Variants in RAP1GAP2 observed in about 807,000 individuals in gnomAD.
RAP1GAP2 encodes the protein rap1 GTPase-activating protein 2.
Under a neutral mutation model 95.0 loss-of-function variants are expected in RAP1GAP2, and 27 were observed. That is an observed-to-expected ratio of 0.28 (90% confidence interval 0.21 to 0.39). RAP1GAP2 has a LOEUF of 0.39. RAP1GAP2 is among the 10% of genes least tolerant of loss of function. The probability of loss-of-function intolerance (pLI) is 1.00; values close to 1 mark genes in which losing one functional copy is unlikely to be tolerated. For synonymous variants in RAP1GAP2, 373 were observed against 380.9 expected (o/e 0.98, Z 0.24); for missense variants, 771 against 970.0 (o/e 0.79, Z 2.72).
intron 3 of RAP1GAP2, among the ~76,000 whole-genome samples, chr17:2,939,012 T>A (rs757056729): frequency 1.3e-5 from 2 of 152,098 alleles, no homozygotes; most frequent in African/African-American, 2.4e-5. Flanking sequence ...ACAAAAAAAA[T>A]GCTTCAGGCT....
chr17:2,792,580 C>T (rs535019776), upstream of RAP1GAP2, among the ~76,000 whole-genome samples: 38 of 152,342 alleles, frequency 2.5e-4, no homozygotes, highest in Admixed American at 2.5e-3. Context: ...AGCCCTCAGT[C>T]TGGGGACGTG....
At chr17:2,810,392 G>C (rs893706735) in intron 2 of RAP1GAP2, among the ~76,000 whole-genome samples, 15 of 151,596 alleles carry the variant, frequency 9.9e-5, no homozygotes, top group African/African-American at 3.6e-4. Flanking sequence ...TTAAGTTCTA[G>C]GGTACATGTG....
intron 3 of RAP1GAP2, among the ~76,000 whole-genome samples, chr17:2,912,035 G>T (rs756002973): frequency 6.6e-6 from 1 of 152,196 alleles, no homozygotes; most frequent in East Asian, 1.9e-4. Context: ...GATAATGTGC[G>T]CTTGGAGTTC....
intron 3 of RAP1GAP2, among the ~76,000 whole-genome samples, chr17:2,940,759 G>A (rs1036530770): frequency 2.0e-5 from 3 of 152,212 alleles, no homozygotes; most frequent in Admixed American, 6.5e-5. Flanking sequence ...TTGGCCAGGT[G>A]GGGACTGTGA....
At position 2,800,306 on chromosome 17, in the gene RAP1GAP2, G is replaced by T. The variant is rs560399834; in HGVS notation, c.45-209G>T. 3 of 869,180 alleles carry T rather than the reference G, an allele frequency of 3.5e-6. No homozygotes were observed. In the Admixed American group the frequency reaches 1.9e-4, roughly 54 times the overall value. The allele number at this position is 869,180 out of a possible 1,614,324, so 53.8% of individuals were successfully genotyped here. ...TCTGAAATGGGGAGAATAATAATAC[G>T]CATGTTGTAGGGTGGTGTGTGGCCC... is the stretch of plus-strand genomic sequence containing the variant. On this transcript the variant is annotated intron_variant, in intron 1 of 24. Coordinates refer to ENST00000254695, the MANE Select transcript of RAP1GAP2 (RefSeq NM_015085.5).
At chr17:2,758,514 C>T (rs769330193) in intron 1 of RAP1GAP2, among the ~76,000 whole-genome samples, 2 of 152,052 alleles carry the variant, frequency 1.3e-5, no homozygotes, top group East Asian at 1.9e-4. Flanking sequence ...TTGGGGTCAC[C>T]CCTCACCCCA....
intron 1 of RAP1GAP2, among the ~76,000 whole-genome samples, chr17:2,781,784 TTCTGTGTGTGCACG>T (rs1482335678): frequency 7.5e-5 from 9 of 119,538 alleles, no homozygotes; most frequent in South Asian, 2.9e-4. Context: ...GTGTGCACGT[TTCTGTGTGTGCACG>T]TCTGTGTGTG....
At chr17:2,921,657 C>T (rs2042777251) in intron 3 of RAP1GAP2, among the ~76,000 whole-genome samples, 1 of 150,846 alleles carries the variant, frequency 6.6e-6, no homozygotes, top group African/African-American at 2.4e-5. Context: ...TATGTGTCCT[C>T]AGGGCCGTTA....
chr17:2,770,838 C>A (rs2068376440), intron 2 of RAP1GAP2, among the ~76,000 whole-genome samples: 1 of 152,006 alleles, frequency 6.6e-6, no homozygotes, highest in Non-Finnish European at 1.5e-5. Context: ...GTCAGGAGTT[C>A]AAGAGCAGCC....
intron 3 of RAP1GAP2, among the ~76,000 whole-genome samples, chr17:2,952,931 A>G (rs1031392951): frequency 4.0e-5 from 6 of 151,508 alleles, no homozygotes; most frequent in Admixed American, 2.0e-4. Flanking sequence ...CAGCCTTCCG[A>G]GTAGCTGGGA....
chr17:2,918,786 T>C (rs2042657410), intron 3 of RAP1GAP2, among the ~76,000 whole-genome samples: 1 of 152,052 alleles, frequency 6.6e-6, no homozygotes, highest in Non-Finnish European at 1.5e-5. Flanking sequence ...CCACGTGAGA[T>C]TTGAGTGGGG....
At chr17:2,999,699 C>T (rs1383589891) in intron 14 of RAP1GAP2, among the ~76,000 whole-genome samples, 42 of 151,808 alleles carry the variant, frequency 2.8e-4, no homozygotes, top group Non-Finnish European at 4.4e-5. Flanking sequence ...GTAATTCTAG[C>T]GCTTTGGGAG....
At chr17:2,823,817 C>T (rs535880090) in intron 2 of RAP1GAP2, among the ~76,000 whole-genome samples, 7 of 152,228 alleles carry the variant, frequency 4.6e-5, no homozygotes, top group African/African-American at 1.4e-4. Flanking sequence ...GGAAGCAACA[C>T]GACTGAACAA....
intron 2 of RAP1GAP2, among the ~76,000 whole-genome samples, chr17:2,818,821 C>T (rs765717881): frequency 5.8e-4 from 88 of 152,264 alleles, no homozygotes; most frequent in Middle Eastern, 6.8e-3. Context: ...CAGGTTCCTT[C>T]ATCTCTCCAT....
rs1259094728 is a variant in RAP1GAP2, at chr17:3,033,662, A to C, written c.*301A>C. ...GTCCGGGTCCTTTATCATCCTATTC[A>C]TCCTGGAGAGGAAAAGTGTCGGGCA... On this transcript the variant is annotated 3_prime_UTR_variant, in exon 25 of 25. Transcript: ENST00000254695. The surrounding 1 kb of genome is among the most constrained non-coding windows in gnomAD (Gnocchi z 4.9). 2 of 152,434 alleles carry C rather than the reference A, an allele frequency of 1.3e-5. No homozygotes were observed. The highest frequency in any genetic ancestry group is 3.9e-4 in the East Asian group (2 of 5,160). 9.4% of individuals were successfully genotyped at this position (152,434 alleles called of 1,614,324 possible).
Position 3,005,565 on chromosome 17 carries a change from G to T in RAP1GAP2, c.1272+125G>T. 1.8e-6 allele frequency: 2 copies of T among 1,109,550 alleles called. No homozygotes were observed. Among genetic ancestry groups the T allele is most frequent in the East Asian group, 2.4e-5 (1 of 42,256 alleles). 68.7% of individuals were successfully genotyped at this position (1,109,550 alleles called of 1,614,324 possible). Reference sequence around the variant, plus strand: ...TTAGGGAGCTCCTTTTGCAGGTTTTGGGGGGAACCTCCTTTCTTGGGGTCT... The same window carrying T: ...TTAGGGAGCTCCTTTTGCAGGTTTTTGGGGGAACCTCCTTTCTTGGGGTCT... On this transcript the variant is annotated intron_variant, in intron 15 of 24. Transcript: ENST00000254695. The surrounding 1 kb of genome is among the most constrained non-coding windows in gnomAD (Gnocchi z 5.2).
chr17:2,995,082 T>C (rs1351395246), intron 12 of RAP1GAP2, among the ~76,000 whole-genome samples: 1 of 152,202 alleles, frequency 6.6e-6, no homozygotes, highest in Non-Finnish European at 1.5e-5. Flanking sequence ...CCCAAAGTGC[T>C]GGGATGACAG....
At chr17:3,009,465 A>T (rs946962666) in intron 17 of RAP1GAP2, among the ~76,000 whole-genome samples, 5 of 152,204 alleles carry the variant, frequency 3.3e-5, no homozygotes, top group Non-Finnish European at 5.9e-5. Flanking sequence ...CCTCAAAGAG[A>T]CAGAATCATT....
At chr17:2,772,322 ACT>A (rs974607076), upstream of RAP1GAP2, among the ~76,000 whole-genome samples, 7 of 151,972 alleles carry the variant, frequency 4.6e-5, no homozygotes, top group African/African-American at 1.7e-4. Flanking sequence ...ACAGGGTCTC[ACT>A]CTGTCACACG....
Sources: gnomAD v4.1 joint callset for allele counts (sites outside exome capture counted in the v4.1 genomes callset) on GRCh38, gnomAD v4.1.1 for gene constraint, Gnocchi (gnomAD v3.1) non-coding constraint, MANE v1.5 for transcripts, NCBI Gene and HGNC (gene_info 2026-07-23, HGNC 2026-07-21) for gene names.